KLHL17: variants seen among roughly 807,000 people sequenced by gnomAD.
The protein encoded by KLHL17 is kelch like family member 17.
Under a neutral mutation model 64.6 loss-of-function variants are expected in KLHL17, and 71 were observed. The ratio of observed to expected loss-of-function variants is 1.10; its 90% CI spans 0.91 to 1.34. KLHL17 has a LOEUF of 1.34. Ranked by LOEUF, KLHL17 falls within the 40% of genes most tolerant of loss-of-function variation. KLHL17 has a pLI of 0.00. For missense variants in KLHL17, 1,140 were observed against 935.0 expected, an observed-to-expected ratio of 1.22 and a Z score of -2.86; for synonymous variants, 612 against 405.4, an observed-to-expected ratio of 1.51 and a Z score of -6.12.
intron 8 of KLHL17, 121 bp downstream of exon 8, chr1:963,625 C>A: frequency 1.7e-6 from 2 of 1,157,368 alleles, no homozygotes; most frequent in Non-Finnish European, 2.4e-6. Flanking sequence ...GAGGCCGTTT[C>A]ACCCCAGGCC....
rs773851538 is a variant in KLHL17 at position 961,533 on chromosome 1, C to T, written c.348C>T (p.Tyr116=). 9.9e-6 allele frequency: 16 copies of T among 1,612,524 alleles called. No homozygotes were observed. Among genetic ancestry groups the T allele is most frequent in the African/African-American group, 1.3e-5 (1 of 74,950 alleles). ...HKVVLASCSP[Y]FHAMFTNEMS... ...TGGTGCTGGCCTCCTGCAGCCCCTA[C>T]TTCCACGCCATGTTCACAAGCAAGT... Residue 116 remains tyrosine, a synonymous_variant, in exon 2 of 12, where the codon TAC becomes TAT. Transcript: ENST00000338591.
rs952368533 is a variant in KLHL17, at chr1:963,788, C to A, written c.1356-132C>A. On this transcript the variant is annotated intron_variant, in intron 8 of 11. Transcript: ENST00000338591. ...TCCTGTGCCCACCAGCGGGCCCTGC[C>A]TGGTAGGACTTTGCGGTCTGAGTTT... 24 of 1,094,480 alleles carry A rather than the reference C, an allele frequency of 2.2e-5. No homozygotes were observed. The South Asian group carries it at 3.2e-4, about 14-fold the overall frequency. 67.8% of individuals were successfully genotyped at this position (1,094,480 alleles called of 1,614,324 possible).
chr1:965,186 C>T lies in KLHL17; in HGVS notation c.1924C>T (p.Leu642Phe). 1.2e-6 allele frequency: 2 copies of T among 1,612,082 alleles called. No individual in the cohort carries two copies. The highest frequency in any genetic ancestry group is 1.1e-5 in the South Asian group (1 of 91,038). ...SPTLSVSSTS[L>F] The stretch of plus-strand genomic sequence containing the variant: ...GACGCTGTCCGTGTCCTCCACCAGC[C>T]TCTGACCCACCTACCACCAGAGGCC... The change falls in exon 12 of 12, where the codon CTC (leucine) becomes TTC (phenylalanine). Residue 642 changes from leucine (L) to phenylalanine (F), a missense_variant. Coordinates refer to ENST00000338591, the MANE Select transcript of KLHL17 (RefSeq NM_198317.3).
At position 960,718 on chromosome 1, in the gene KLHL17, G is replaced by A. The variant is rs1642597796; in HGVS notation, c.25G>A (p.Ala9Thr). Residue 9 changes from alanine (A) to threonine (T), a missense_variant, in exon 1 of 12, where the codon GCC becomes ACC. By Grantham distance (58) the Ala-to-Thr change is moderately conservative. Coordinates refer to ENST00000338591, the MANE Select transcript of KLHL17 (RefSeq NM_198317.3). MQPRSERP[A>T]GRTQSPEHGS... ...AATGCAGCCCCGCAGCGAGCGCCCG[G>A]CCGGCAGGACGCAGAGCCCGGAGCA... 1.5e-6 allele frequency: 2 copies of A among 1,348,496 alleles called. No homozygotes were observed. Among genetic ancestry groups the A allele is most frequent in the Non-Finnish European group, 9.6e-7 (1 of 1,042,764 alleles). 83.5% of individuals were successfully genotyped at this position (1,348,496 alleles called of 1,614,324 possible).
intron 10 of KLHL17, 69 bp downstream of exon 10, chr1:964,249 A>C: frequency 3.1e-6 from 5 of 1,599,616 alleles, no homozygotes; most frequent in African/African-American, 1.3e-5. Context: ...CTGTTTACCC[A>C]CATCCCCCCC....
chr1:962,486 C>T lies in KLHL17; in HGVS notation c.828+15C>T, dbSNP rs201385366. 6.4e-4 allele frequency: 1,029 copies of T among 1,611,094 alleles called. 8 individuals are homozygous for T. Among genetic ancestry groups the T allele is most frequent in the Middle Eastern group, 1.7e-4 (1 of 5,996 alleles). On this transcript the variant is annotated intron_variant, in intron 5 of 11. Coordinates refer to ENST00000338591, the MANE Select transcript of KLHL17 (RefSeq NM_198317.3). Reference sequence around the variant, plus strand: ...ATGTCCCACGGGTGAGGCGCGGCCGCGGGGGGCTCCCACAGCATCCAGGAG... The same window carrying T: ...ATGTCCCACGGGTGAGGCGCGGCCGTGGGGGGCTCCCACAGCATCCAGGAG...
Position 960,705 on chromosome 1 carries a change from C to A in KLHL17, c.12C>A (p.Arg4=), listed in dbSNP as rs1207290992. MQP[R]SERPAGRTQS... is the part of the protein sequence containing the mutation. The stretch of plus-strand genomic sequence containing the variant: ...GGTCCGGCAGCCGAATGCAGCCCCG[C>A]AGCGAGCGCCCGGCCGGCAGGACGC... Residue 4 remains arginine (R), a synonymous_variant, in exon 1 of 12, where the codon CGC becomes CGA. Coordinates refer to ENST00000338591, the MANE Select transcript of KLHL17 (RefSeq NM_198317.3). The A allele has an allele frequency of 2.9e-6, 4 of 1,357,942 alleles. No individual in the cohort carries two copies. Among genetic ancestry groups the A allele is most frequent in the Non-Finnish European group, 3.8e-6 (4 of 1,047,788 alleles). The allele number at this position is 1,357,942 out of a possible 1,614,324, so 84.1% of individuals were successfully genotyped here. A position where few individuals can be genotyped will look rare whatever the true frequency, so the allele number is the denominator to read the frequency against.
intron 9 of KLHL17, 38 bp from the exon 10 acceptor site, chr1:964,069 C>G (rs1170459678): frequency 1.2e-6 from 2 of 1,612,514 alleles, no homozygotes; most frequent in Non-Finnish European, 8.5e-7. Flanking sequence ...AGACCCCACT[C>G]CCAGCAGGAG....
Position 960,714 on chromosome 1 carries a change from C to G in KLHL17, c.21C>G (p.Arg7=). The change falls in exon 1 of 12, where the codon CGC becomes CGG. Residue 7 remains arginine, a synonymous_variant. Coordinates refer to ENST00000338591, the MANE Select transcript of KLHL17 (RefSeq NM_198317.3). MQPRSE[R]PAGRTQSPEH... ...GCCGAATGCAGCCCCGCAGCGAGCG[C>G]CCGGCCGGCAGGACGCAGAGCCCGG... 7.4e-7 allele frequency: 1 copy of G among 1,351,284 alleles called. No individual in the cohort carries two copies. Among genetic ancestry groups the G allele is most frequent in the Admixed American group, 3.0e-5 (1 of 32,916 alleles). The allele number at this position is 1,351,284 out of a possible 1,614,324, so 83.7% of individuals were successfully genotyped here.
chr1:964,094 T>C lies in KLHL17; in HGVS notation c.1445-13T>C. The C allele has an allele frequency of 6.2e-7, 1 of 1,612,658 alleles. No homozygotes were observed. The highest frequency in any genetic ancestry group is 8.5e-7 in the Non-Finnish European group (1 of 1,179,912). ...CCCAGCAGGAGTGCCACGGGTGTGT[T>C]GACTTCCGGCAGATGGGAACCTGTA... On this transcript the variant is annotated splice_polypyrimidine_tract_variant and intron_variant, in intron 9 of 11. Coordinates refer to ENST00000338591, the MANE Select transcript of KLHL17 (RefSeq NM_198317.3).
In KLHL17 at chr1:962,485, G is replaced by A. The variant is rs111590372; in HGVS notation, c.828+14G>A. ...CATGTCCCACGGGTGAGGCGCGGCC[G>A]CGGGGGGCTCCCACAGCATCCAGGA... On this transcript the variant is annotated intron_variant, in intron 5 of 11. Transcript: ENST00000338591. 54 of 1,611,230 alleles carry A rather than the reference G, an allele frequency of 3.4e-5. 1 individual carries two copies. Among genetic ancestry groups the A allele is most frequent in the African/African-American group, 9.3e-5 (7 of 75,044 alleles).
In KLHL17 at chr1:962,931, C is replaced by T. The variant is rs1347586360; in HGVS notation, c.1042+14C>T. 3 of 1,538,046 alleles carry T rather than the reference C, an allele frequency of 2.0e-6. No individual in the cohort carries two copies. Among genetic ancestry groups the T allele is most frequent in the East Asian group, 2.3e-5 (1 of 43,982 alleles). On this transcript the variant is annotated intron_variant, in intron 6 of 11. Coordinates refer to ENST00000338591, the MANE Select transcript of KLHL17 (RefSeq NM_198317.3). Reference sequence around the variant, plus strand: ...TTTTTGCTGTGGGTATGGCCCCCCGCCCGTTTCCCTCTTGCCCTGTGCCTT... The same window carrying T: ...TTTTTGCTGTGGGTATGGCCCCCCGTCCGTTTCCCTCTTGCCCTGTGCCTT...
At position 962,817 on chromosome 1, in the gene KLHL17, C is replaced by T. The variant is rs572085229; in HGVS notation, c.942C>T (p.Ala314=). ...HPDCKDLLIE[A]LKFHLLPEQR... ...ACTGCAAGGACCTCCTCATCGAGGC[C>T]CTGAAGTTCCACCTGCTGCCTGAGC... Residue 314 remains alanine (A), a synonymous_variant, in exon 6 of 12, where the codon GCC becomes GCT. Transcript: ENST00000338591. 10 of 1,607,974 alleles carry T rather than the reference C, an allele frequency of 6.2e-6. No individual in the cohort carries two copies. Among genetic ancestry groups the T allele is most frequent in the African/African-American group, 5.3e-5 (4 of 74,952 alleles).
intron 5 of KLHL17, 82 bp from the exon 6 acceptor site, chr1:962,622 C>T (rs1466095360): frequency 4.0e-5 from 61 of 1,523,352 alleles, no homozygotes; most frequent in Non-Finnish European, 5.1e-5. Context: ...ACAGGTGGTA[C>T]GGGCATCTGG....
Position 961,705 on chromosome 1 carries a change from G to C in KLHL17, c.444G>C (p.Gln148His). 1 of 1,612,330 alleles carries C rather than the reference G, an allele frequency of 6.2e-7. No individual in the cohort carries two copies. The highest frequency in any genetic ancestry group is 2.2e-5 in the East Asian group (1 of 44,828). The change falls in exon 3 of 12, where the codon CAG becomes CAC. Residue 148 changes from glutamine to histidine, a missense_variant. Coordinates refer to ENST00000338591, the MANE Select transcript of KLHL17 (RefSeq NM_198317.3). The stretch of plus-strand genomic sequence containing the variant: ...CTCAGGCCTTGGACCAGCTGGTGCA[G>C]TTTGCCTACACGGCTGAGATTGTGG... The part of the protein sequence containing the change: ...IDPQALDQLV[Q>H]FAYTAEIVVG...
intron 10 of KLHL17, 41 bp downstream of exon 10, chr1:964,221 C>T (rs773048882): frequency 1.2e-5 from 20 of 1,606,818 alleles, no homozygotes; most frequent in East Asian, 4.5e-5. Flanking sequence ...TCCCGTGCGC[C>T]GCGGGGCCCT....
chr1:962,260 C>A, intron 4 of KLHL17, 95 bp from the exon 5 acceptor site: 1 of 1,590,412 alleles, frequency 6.3e-7, no homozygotes, highest in Non-Finnish European at 8.6e-7. Flanking sequence ...AACACTCAGC[C>A]CCCACCTGCT....
intron 4 of KLHL17, 61 bp downstream of exon 4, chr1:962,108 G>A (rs755867811): frequency 7.9e-6 from 8 of 1,019,052 alleles, no homozygotes; most frequent in Middle Eastern, 2.3e-4. Context: ...CTTTGTCTTT[G>A]ACTCCCGACC....
intron 1 of KLHL17, chr1:961,020 G>C: frequency 4.4e-6 from 1 of 229,740 alleles, no homozygotes; most frequent in Non-Finnish European, 7.2e-6. Context: ...CTAGGGACGC[G>C]GAGGAGCTGA....
Sources: gnomAD v4.1 joint callset for allele counts on GRCh38, gnomAD v4.1.1 for gene constraint, MANE v1.5 for transcripts, NCBI Gene and HGNC (gene_info 2026-07-23, HGNC 2026-07-21) for gene names.